The following CREB5 variants were observed in gnomAD, a reference collection of about 807,000 sequenced individuals.
The protein encoded by CREB5 is cyclic AMP-responsive element-binding protein 5.
A neutral mutation model predicts 57.1 loss-of-function variants in CREB5; 19 were observed. The observed-to-expected ratio is 0.33, with a 90% CI of 0.23 to 0.49. The LOEUF (loss-of-function observed/expected upper bound fraction) is 0.49. Among genes scored for constraint, CREB5 ranks in the 20% least tolerant of loss-of-function variants. CREB5 has a pLI of 0.99. For missense variants in CREB5, 579 were observed against 671.6 expected, an observed-to-expected ratio of 0.86 and a Z score of 1.52; for synonymous variants, 238 against 238.3, an observed-to-expected ratio of 1.00 and a Z score of 0.01.
At chr7:28,500,909 C>A (rs990572600) in intron 3 of CREB5, among the ~76,000 whole-genome samples, 1 of 152,000 alleles carries the variant, frequency 6.6e-6, no homozygotes, top group Non-Finnish European at 1.5e-5. Context: ...AACTTCCCAC[C>A]GTGTGTATTA....
chr7:28,610,611 A>G (rs1240308369), intron 5 of CREB5, among the ~76,000 whole-genome samples: 1 of 152,174 alleles, frequency 6.6e-6, no homozygotes, highest in Non-Finnish European at 1.5e-5. Flanking sequence ...AGGTTTCTTC[A>G]AATGAAAAAT....
chr7:28,378,054 T>A (rs1359774313), intron 1 of CREB5, among the ~76,000 whole-genome samples: 1 of 152,208 alleles, frequency 6.6e-6, no homozygotes, highest in African/African-American at 2.4e-5. Flanking sequence ...TTGCTATAAT[T>A]TGTATAGTGG....
intron 1 of CREB5, among the ~76,000 whole-genome samples, chr7:28,397,995 G>A (rs1787373592): frequency 6.6e-6 from 1 of 152,050 alleles, no homozygotes; most frequent in South Asian, 2.1e-4. Context: ...ACAATTCAGT[G>A]ATACTAAGTA....
chr7:28,637,303 C>T (rs1427908476), intron 5 of CREB5, among the ~76,000 whole-genome samples: 1 of 152,150 alleles, frequency 6.6e-6, no homozygotes, highest in Non-Finnish European at 1.5e-5. Context: ...TTCATTTATT[C>T]ATTCACTCAA....
intron 4 of CREB5, among the ~76,000 whole-genome samples, chr7:28,542,736 T>A (rs571882851): frequency 2.0e-5 from 3 of 152,192 alleles, no homozygotes; most frequent in Non-Finnish European, 4.4e-5. Flanking sequence ...ATCAAGGGGC[T>A]TTGATAACTT....
intron 1 of CREB5, among the ~76,000 whole-genome samples, chr7:28,428,734 A>AG (rs759523517): frequency 1.3e-5 from 2 of 152,168 alleles, no homozygotes; most frequent in Non-Finnish European, 2.9e-5. Flanking sequence ...AATTCAGGGA[A>AG]GGGGTCTCAG....
chr7:28,761,112 C>T (rs934762351), intron 7 of CREB5, among the ~76,000 whole-genome samples: 1 of 152,084 alleles, frequency 6.6e-6, no homozygotes, highest in African/African-American at 2.4e-5. Flanking sequence ...AAGCACACAA[C>T]AGTATATGAT....
intron 5 of CREB5, 99 bp from the exon 6 acceptor site, chr7:28,718,654 G>T (rs1802840580): frequency 6.6e-7 from 1 of 1,510,794 alleles, no homozygotes; most frequent in Non-Finnish European, 8.9e-7. Context: ...GATCTGATCT[G>T]CTGCACATGT....
At chr7:28,444,024 G>A (rs189665735) in intron 1 of CREB5, among the ~76,000 whole-genome samples, 1 of 152,256 alleles carries the variant, frequency 6.6e-6, no homozygotes, top group Admixed American at 6.5e-5. Flanking sequence ...AAAAAATTTT[G>A]TAATGGAAAA....
chr7:28,629,718 G>A (rs1056291818), intron 5 of CREB5, among the ~76,000 whole-genome samples: 7 of 152,130 alleles, frequency 4.6e-5, no homozygotes, highest in Admixed American at 1.3e-4. Flanking sequence ...GTTCCCAATG[G>A]CTGTCTCAGC....
At chr7:28,413,120 G>A (rs1787872580) in intron 1 of CREB5, among the ~76,000 whole-genome samples, 1 of 151,302 alleles carries the variant, frequency 6.6e-6, no homozygotes, top group South Asian at 2.1e-4. Context: ...GTGTGTGTGT[G>A]TGTGTGAATA....
intron 1 of CREB5, among the ~76,000 whole-genome samples, chr7:28,362,105 A>G (rs533733833): frequency 9.2e-5 from 14 of 152,214 alleles, no homozygotes; most frequent in Non-Finnish European, 1.9e-4. Flanking sequence ...TCAGAAGTAC[A>G]TAGTATACTT....
intron 5 of CREB5, among the ~76,000 whole-genome samples, chr7:28,636,391 G>A (rs574250080): frequency 6.6e-6 from 1 of 152,220 alleles, no homozygotes; most frequent in South Asian, 2.1e-4. Context: ...CAACACCATG[G>A]TACTGATGAC....
At chr7:28,349,577 G>A (rs547882608) in intron 1 of CREB5, among the ~76,000 whole-genome samples, 2 of 152,036 alleles carry the variant, frequency 1.3e-5, no homozygotes, top group African/African-American at 4.8e-5. Context: ...ACGTTCTTAC[G>A]GCCTATGAAC....
At chr7:28,608,592 C>G (rs941434993) in intron 5 of CREB5, among the ~76,000 whole-genome samples, 3 of 152,126 alleles carry the variant, frequency 2.0e-5, no homozygotes, top group African/African-American at 7.2e-5. Context: ...ATCTCCCTCC[C>G]CACCAGCACA....
At chr7:28,363,045 G>A (rs1786521144) in intron 1 of CREB5, among the ~76,000 whole-genome samples, 1 of 152,148 alleles carries the variant, frequency 6.6e-6, no homozygotes. Flanking sequence ...CTAAGTATAA[G>A]CTCAACTAAG....
At chr7:28,675,039 T>G (rs985590451) in intron 5 of CREB5, among the ~76,000 whole-genome samples, 1 of 152,206 alleles carries the variant, frequency 6.6e-6, no homozygotes, top group African/African-American at 2.4e-5. Context: ...TGGTTCTCTC[T>G]GTATACCTCT....
At chr7:28,348,359 T>C (rs957054882) in intron 1 of CREB5, among the ~76,000 whole-genome samples, 1 of 150,958 alleles carries the variant, frequency 6.6e-6, no homozygotes. Context: ...ATGATCAACA[T>C]GCGCCTGCTT....
chr7:28,743,684 C>T (rs1350392370), intron 7 of CREB5, among the ~76,000 whole-genome samples: 1 of 151,968 alleles, frequency 6.6e-6, no homozygotes, highest in African/African-American at 2.4e-5. Context: ...GGTGGAAGTC[C>T]AAGATCAAGG....
Sources: gnomAD v4.1 joint callset for allele counts (sites outside exome capture counted in the v4.1 genomes callset) on GRCh38, gnomAD v4.1.1 for gene constraint, MANE v1.5 for transcripts, NCBI Gene and HGNC (gene_info 2026-07-23, HGNC 2026-07-21) for gene names.